Variants in FARP1 observed in about 807,000 individuals in gnomAD.
FARP1 encodes the protein FERM, ARH/RhoGEF and pleckstrin domain protein 1, also known as FERM, ARHGEF and pleckstrin domain-containing protein 1.
In FARP1, 52 loss-of-function variants were observed where a neutral mutation model predicts 128.8. The ratio of observed to expected loss-of-function variants is 0.40; its 90% CI spans 0.32 to 0.51. The LOEUF is 0.51. FARP1 is among the 20% of genes least tolerant of loss of function. The pLI is 0.45. For synonymous variants in FARP1, 580 were observed against 551.8 expected (o/e 1.05, Z -0.72); for missense variants, 1,333 against 1,367.9 (o/e 0.97, Z 0.40).
In FARP1 at chr13:98,147,107, G is replaced by A. The variant is rs76277485; in HGVS notation, c.-24+3615G>A. Among the ~76,000 whole-genome samples the A allele has an allele frequency of 3.0e-4, 45 of 152,290 alleles. No homozygotes were observed. In the East Asian group the frequency reaches 8.1e-3, roughly 27 times the overall value. On this transcript the variant is annotated intron_variant, in intron 1 of 26. Transcript: ENST00000319562. ...CAATCAAGAAGCCCCCAGAAAACGTGTATTTAAAACTGGCAAAACTTTTTA... is the reference window on the plus strand; with the variant it reads ...CAATCAAGAAGCCCCCAGAAAACGTATATTTAAAACTGGCAAAACTTTTTA...
At chr13:98,165,282 T>C (rs1485060451) in intron 1 of FARP1, among the ~76,000 whole-genome samples, 2 of 151,588 alleles carry the variant, frequency 1.3e-5, no homozygotes, top group Non-Finnish European at 2.9e-5. Context: ...TTGGTCTCAT[T>C]CTTCTTTATC....
In FARP1 at chr13:98,396,557, T is replaced by C; in HGVS notation, c.1414+1081T>C. On this transcript the variant is annotated intron_variant, in intron 13 of 26. Coordinates refer to ENST00000319562, the MANE Select transcript of FARP1 (RefSeq NM_005766.4). ...CACGAGACCAGGGTTTCCCTAAAGA[T>C]CATCTGTTCTAGTGACTCATTCATT... 3 of 398,906 alleles carry C rather than the reference T, an allele frequency of 7.5e-6. No homozygotes were observed. In the East Asian group the frequency reaches 1.1e-4, roughly 14 times the overall value. The allele number at this position is 398,906 out of a possible 1,614,324, so 24.7% of individuals were successfully genotyped here.
At chr13:98,419,047 C>G (rs761746003) in intron 16 of FARP1, among the ~76,000 whole-genome samples, 1 of 152,228 alleles carries the variant, frequency 6.6e-6, no homozygotes, top group Non-Finnish European at 1.5e-5. Flanking sequence ...AAAGGCGCGG[C>G]GTTCCCGGCC....
At chr13:98,300,315 G>A (rs1232169132) in intron 2 of FARP1, among the ~76,000 whole-genome samples, 2 of 152,166 alleles carry the variant, frequency 1.3e-5, no homozygotes, top group Non-Finnish European at 2.9e-5. Context: ...TGTTCCTTGG[G>A]GCCCTGGGCC....
intron 8 of FARP1, among the ~76,000 whole-genome samples, 160 bp from the exon 9 acceptor site, chr13:98,388,220 TATC>T (rs1189375620): frequency 1.3e-5 from 2 of 152,214 alleles, no homozygotes; most frequent in Non-Finnish European, 2.9e-5. Context: ...CAGGAACAGG[TATC>T]ATCCGATAGC....
intron 2 of FARP1, among the ~76,000 whole-genome samples, chr13:98,295,661 T>G (rs150488111): frequency 6.6e-6 from 1 of 152,296 alleles, no homozygotes; most frequent in East Asian, 1.9e-4. Context: ...ATGGTTCAAA[T>G]AATAAAGAGA....
chr13:98,385,893 C>G, intron 8 of FARP1, 79 bp downstream of exon 8: 1 of 1,468,466 alleles, frequency 6.8e-7, no homozygotes, highest in Non-Finnish European at 9.4e-7. Flanking sequence ...GATTCATATT[C>G]AGTGGGCTAA....
At chr13:98,184,838 A>G (rs1439844601) in intron 1 of FARP1, among the ~76,000 whole-genome samples, 1 of 152,250 alleles carries the variant, frequency 6.6e-6, no homozygotes, top group African/African-American at 2.4e-5. Context: ...AAATACTTCA[A>G]GTGTATTTTA....
At chr13:98,173,662 G>A (rs886594963) in intron 1 of FARP1, among the ~76,000 whole-genome samples, 1 of 152,206 alleles carries the variant, frequency 6.6e-6, no homozygotes, top group South Asian at 2.1e-4. Context: ...TGACCATTAC[G>A]TGTGCCTTCA....
chr13:98,366,659 T>C (rs1889098252), intron 4 of FARP1, among the ~76,000 whole-genome samples: 1 of 152,248 alleles, frequency 6.6e-6, no homozygotes, highest in Admixed American at 6.5e-5. Context: ...AGCTGTCACT[T>C]GGCATTGAGT....
intron 2 of FARP1, among the ~76,000 whole-genome samples, chr13:98,286,500 G>A (rs780120126): frequency 5.3e-5 from 8 of 152,108 alleles, no homozygotes; most frequent in Non-Finnish European, 1.0e-4. Flanking sequence ...TTTTATAAGG[G>A]GGTTCTGCTT....
At chr13:98,282,908 AT>A (rs1472972608) in intron 2 of FARP1, among the ~76,000 whole-genome samples, 3 of 152,206 alleles carry the variant, frequency 2.0e-5, no homozygotes, top group Non-Finnish European at 4.4e-5. Flanking sequence ...TCAAAAAAAA[AT>A]AAAAAAAAAT....
chr13:98,280,407 T>C (rs1197922910), intron 2 of FARP1, among the ~76,000 whole-genome samples: 2 of 152,136 alleles, frequency 1.3e-5, no homozygotes, highest in Non-Finnish European at 2.9e-5. Context: ...TCTGCCAGGC[T>C]TCATCCCAGG....
intron 5 of FARP1, among the ~76,000 whole-genome samples, chr13:98,376,736 G>A (rs1349309649): frequency 2.7e-5 from 4 of 147,788 alleles, no homozygotes; most frequent in East Asian, 2.0e-4. Context: ...CATTCCCGCC[G>A]ATAGTACTTG....
At chr13:98,378,929 A>T (rs1316936009) in intron 6 of FARP1, among the ~76,000 whole-genome samples, 1 of 116,992 alleles carries the variant, frequency 8.5e-6, no homozygotes, top group East Asian at 2.4e-4. Context: ...TAATATATAC[A>T]ATATATAATC....
chr13:98,322,294 G>A (rs561062396), intron 2 of FARP1, among the ~76,000 whole-genome samples: 75 of 152,266 alleles, frequency 4.9e-4, no homozygotes, highest in Non-Finnish European at 7.4e-4. Context: ...GTGAAACTCC[G>A]TCTCAAAAAC....
At chr13:98,419,473 CAA>C (rs769553720) in intron 16 of FARP1, among the ~76,000 whole-genome samples, 1 of 117,218 alleles carries the variant, frequency 8.5e-6, no homozygotes, top group African/African-American at 3.3e-5. Flanking sequence ...ACTCTGTCTC[CAA>C]AAAAAAATAC....
chr13:98,267,490 C>G lies in FARP1; in HGVS notation c.171+54077C>G, dbSNP rs565118254. Among the ~76,000 whole-genome samples, 12 of 152,324 alleles carry G rather than the reference C, an allele frequency of 7.9e-5. No individual in the cohort carries two copies. In the South Asian group the frequency reaches 1.4e-3, roughly 18 times the overall value. On this transcript the variant is annotated intron_variant, in intron 2 of 26. Coordinates refer to ENST00000319562, the MANE Select transcript of FARP1 (RefSeq NM_005766.4). ...TTGGGGGTTGCAGACGCTCCCACCC[C>G]CCCATATCCTTCCCAAGGTTGGACT...
At chr13:98,308,263 T>C (rs1886273646) in intron 2 of FARP1, among the ~76,000 whole-genome samples, 1 of 152,070 alleles carries the variant, frequency 6.6e-6, no homozygotes, top group Non-Finnish European at 1.5e-5. Flanking sequence ...GTTAATCAGG[T>C]AGTAGGTGTT....
Sources: allele counts gnomAD v4.1 joint callset (sites outside exome capture counted in the v4.1 genomes callset), GRCh38; gene constraint gnomAD v4.1.1; transcripts MANE v1.5; gene names NCBI Gene and HGNC (gene_info 2026-07-23, HGNC 2026-07-21).